ATRNL1: variants seen among roughly 807,000 people sequenced by gnomAD.
ATRNL1 encodes the protein attractin-like protein 1.
Under a neutral mutation model 182.7 loss-of-function variants are expected in ATRNL1, and 95 were observed. That is an observed-to-expected ratio of 0.52 (90% CI 0.44 to 0.62). The LOEUF is 0.62. Ranked by LOEUF, ATRNL1 falls within the 20% of genes least tolerant of loss-of-function variation. The probability of loss-of-function intolerance (pLI) is 0.00; values close to 1 mark genes in which losing one functional copy is unlikely to be tolerated. For missense variants in ATRNL1, 1,471 were observed against 1,679.5 expected, an observed-to-expected ratio of 0.88 and a Z score of 2.17; for synonymous variants, 576 against 568.3, an observed-to-expected ratio of 1.01 and a Z score of -0.19.
chr10:115,612,554 A>G lies in ATRNL1; in HGVS notation c.3795+63018A>G, dbSNP rs571169152. Among the ~76,000 whole-genome samples, 5 of 152,328 alleles carry G rather than the reference A, an allele frequency of 3.3e-5. 1 individual carries two copies. The South Asian group carries it at 1.0e-3, about 32-fold the overall frequency. On this transcript the variant is annotated intron_variant, in intron 26 of 28. Coordinates refer to ENST00000355044, the MANE Select transcript of ATRNL1 (RefSeq NM_207303.4). ...GTGAACGTAATTCGTTTTAAAACAA[A>G]CAAAATATTGATTACAGTGGCTTAT...
chr10:115,658,551 G>A (rs1200217410), intron 26 of ATRNL1, among the ~76,000 whole-genome samples: 1 of 152,088 alleles, frequency 6.6e-6, no homozygotes, highest in African/African-American at 2.4e-5. Flanking sequence ...TAAGCAATTT[G>A]TTTCAAATTA....
At chr10:115,810,526 T>A (rs1200349585) in intron 27 of ATRNL1, among the ~76,000 whole-genome samples, 1 of 151,988 alleles carries the variant, frequency 6.6e-6, no homozygotes, top group East Asian at 1.9e-4. Flanking sequence ...ATTTTGACAG[T>A]GTCTGTAAGA....
chr10:115,797,380 C>A (rs1949678538), intron 27 of ATRNL1, among the ~76,000 whole-genome samples: 1 of 152,080 alleles, frequency 6.6e-6, no homozygotes, highest in South Asian at 2.1e-4. Flanking sequence ...TTTAATTTTA[C>A]ACTCAGGCAC....
chr10:115,882,182 G>A (rs1266392506), intron 28 of ATRNL1, among the ~76,000 whole-genome samples: 1 of 152,216 alleles, frequency 6.6e-6, no homozygotes, highest in Non-Finnish European at 1.5e-5. Context: ...AACAGTTGTT[G>A]TCTCTGGGGA....
At chr10:115,450,320 T>C (rs1424397188) in intron 21 of ATRNL1, among the ~76,000 whole-genome samples, 4 of 152,152 alleles carry the variant, frequency 2.6e-5, no homozygotes, top group East Asian at 3.9e-4. Flanking sequence ...AGCATCCAAA[T>C]AGGAAGAGAG....
At chr10:115,761,548 A>G (rs1948735373) in intron 27 of ATRNL1, among the ~76,000 whole-genome samples, 1 of 152,174 alleles carries the variant, frequency 6.6e-6, no homozygotes. Context: ...TGTTGACAGC[A>G]TTTATTACTG....
At chr10:115,362,729 T>A (rs561446543) in intron 19 of ATRNL1, among the ~76,000 whole-genome samples, 4 of 152,170 alleles carry the variant, frequency 2.6e-5, no homozygotes, top group East Asian at 1.9e-4. Context: ...GTCCATGTGA[T>A]CTCATTGTTC....
intron 5 of ATRNL1, among the ~76,000 whole-genome samples, chr10:115,158,110 C>A (rs1363901511): frequency 6.6e-6 from 1 of 152,010 alleles, no homozygotes; most frequent in African/African-American, 2.4e-5. Context: ...TTCCCAGATT[C>A]ACCTATTAAC....
rs566201978 is a variant in ATRNL1 at position 115,947,213 on chromosome 10, G to C, written c.*2434G>C. 3.3e-5 allele frequency: 5 copies of C among 152,574 alleles called. No individual in the cohort carries two copies. The highest frequency in any genetic ancestry group is 9.6e-5 in the African/African-American group (4 of 41,508). 9.5% of individuals were successfully genotyped at this position (152,574 alleles called of 1,614,324 possible). ...AAGGATAATCACTTTGAATCTGTTG[G>C]TTTTTCCCCCTACATTCCAGACACT... On this transcript the variant is annotated 3_prime_UTR_variant, in exon 29 of 29. Transcript: ENST00000355044.
chr10:115,435,357 T>C (rs568084935), intron 21 of ATRNL1, among the ~76,000 whole-genome samples: 3 of 152,256 alleles, frequency 2.0e-5, no homozygotes, highest in African/African-American at 7.2e-5. Flanking sequence ...TGTGCTGTTA[T>C]TGAAAGGCAA....
At chr10:115,340,476 CT>C (rs1430940795) in intron 19 of ATRNL1, among the ~76,000 whole-genome samples, 3 of 95,126 alleles carry the variant, frequency 3.2e-5, no homozygotes, top group African/African-American at 8.0e-5. Context: ...CTTTTCTTTT[CT>C]TTTTTTTTTT....
intron 10 of ATRNL1, 67 bp downstream of exon 10, chr10:115,241,792 T>C: frequency 7.5e-7 from 1 of 1,336,278 alleles, no homozygotes. Flanking sequence ...TATTCTCAAA[T>C]ACATTAATTG....
intron 10 of ATRNL1, among the ~76,000 whole-genome samples, chr10:115,262,754 TAA>T (rs1452244991): frequency 2.0e-5 from 3 of 151,976 alleles, no homozygotes; most frequent in African/African-American, 7.2e-5. Context: ...CATAGAAGAC[TAA>T]AACAAATAAC....
At chr10:115,904,493 G>A (rs368326101) in intron 28 of ATRNL1, among the ~76,000 whole-genome samples, 1 of 152,222 alleles carries the variant, frequency 6.6e-6, no homozygotes, top group East Asian at 1.9e-4. Flanking sequence ...AGTCACCATG[G>A]GATCACTATA....
At chr10:115,460,316 A>AAAATTAAGCTCC (rs1554969483) in intron 21 of ATRNL1, among the ~76,000 whole-genome samples, 1 of 152,162 alleles carries the variant, frequency 6.6e-6, no homozygotes, top group Non-Finnish European at 1.5e-5. Flanking sequence ...TAATATCTTT[A>AAAATTAAGCTCC]AAATTAAGCT....
chr10:115,830,849 C>G (rs139364481), intron 27 of ATRNL1, among the ~76,000 whole-genome samples: 54 of 152,244 alleles, frequency 3.5e-4, no homozygotes, highest in African/African-American at 1.3e-3. Flanking sequence ...TCTCTGATGT[C>G]AGCTAATTTC....
chr10:115,614,271 A>G (rs544112481), intron 26 of ATRNL1, among the ~76,000 whole-genome samples: 84 of 151,766 alleles, frequency 5.5e-4, no homozygotes, highest in South Asian at 4.6e-3. Flanking sequence ...AATTCCTTCC[A>G]TGACCCATCA....
chr10:115,758,359 T>A (rs1445368011), intron 27 of ATRNL1, among the ~76,000 whole-genome samples: 21 of 218 alleles, frequency 0.096, no homozygotes, highest in Middle Eastern at 0.5. Flanking sequence ...GTTTGATAGT[T>A]TTTTCCTTCT....
At chr10:115,730,082 C>T (rs891606006) in intron 27 of ATRNL1, among the ~76,000 whole-genome samples, 2 of 151,414 alleles carry the variant, frequency 1.3e-5, no homozygotes, top group Middle Eastern at 3.4e-3. Flanking sequence ...TATGGTGAAA[C>T]GCCATCTCTA....
Sources: allele counts gnomAD v4.1 joint callset (sites outside exome capture counted in the v4.1 genomes callset), GRCh38; gene constraint gnomAD v4.1.1; transcripts MANE v1.5; gene names NCBI Gene and HGNC (gene_info 2026-07-23, HGNC 2026-07-21).